The following FREM1 variants were observed in gnomAD, a reference collection of about 807,000 sequenced individuals.
FREM1 encodes the protein FRAS1 related extracellular matrix 1.
In FREM1, 220 loss-of-function variants were observed where a neutral mutation model predicts 210.1. The ratio of observed to expected loss-of-function variants is 1.05; its 90% CI spans 0.94 to 1.17. FREM1 has a LOEUF of 1.17. Among genes scored for constraint, FREM1 ranks in the 50% most tolerant of loss-of-function variants. The pLI is 0.00. For synonymous variants in FREM1, 1,189 were observed against 980.2 expected (o/e 1.21, Z -3.98); for missense variants, 3,454 against 2,675.5 (o/e 1.29, Z -6.42).
chr9:14,746,411 T>A lies in FREM1; in HGVS notation c.6196A>T (p.Ile2066Phe), dbSNP rs759576818. ...GWHQHSGYCH[I>F]LITEQKGTWN... ...GTGCCTTTCTGCTCTGTGATCAAGATGTGACAGTAGCCTGAGTGCTGGTGC... is the reference window on the plus strand; with the variant it reads ...GTGCCTTTCTGCTCTGTGATCAAGAAGTGACAGTAGCCTGAGTGCTGGTGC... Residue 2066 changes from isoleucine (I) to phenylalanine (F), a missense_variant, in exon 35 of 37, where the codon ATC becomes TTC. Ile to Phe is a conservative substitution (Grantham distance 21). Transcript: ENST00000380880. 6.2e-7 allele frequency: 1 copy of A among 1,613,920 alleles called. No homozygotes were observed. The highest frequency in any genetic ancestry group is 1.7e-5 in the Admixed American group (1 of 60,012).
intron 1 of FREM1, among the ~76,000 whole-genome samples, chr9:14,876,594 G>A (rs1259266147): frequency 6.6e-6 from 1 of 152,136 alleles, no homozygotes; most frequent in Non-Finnish European, 1.5e-5. Context: ...CCCTTTCTTT[G>A]ACTAGGAAAG....
intron 4 of FREM1, among the ~76,000 whole-genome samples, chr9:14,858,465 G>T (rs1829192317): frequency 6.7e-6 from 1 of 150,256 alleles, no homozygotes; most frequent in African/African-American, 2.4e-5. Flanking sequence ...CTCCCAAAGT[G>T]CTGGGATTAT....
intron 30 of FREM1, 55 bp from the exon 31 acceptor site, chr9:14,748,694 T>G (rs1842865963): frequency 8.9e-7 from 1 of 1,119,746 alleles, no homozygotes; most frequent in Non-Finnish European, 1.3e-6. Flanking sequence ...ACAGATAAGG[T>G]ATCACATTGA....
Position 14,737,607 on chromosome 9 carries a change from C to G in FREM1, c.6341-12G>C, listed in dbSNP as rs1336323228. On this transcript the variant is annotated splice_polypyrimidine_tract_variant and intron_variant, in intron 36 of 36. Transcript: ENST00000380880. ...TTGGTCGTTCAAACCTAATGTGAAC[C>G]AAAAGAATGTACCAATTACTTTTAT... 4 of 1,502,962 alleles carry G rather than the reference C, an allele frequency of 2.7e-6. No homozygotes were observed. Among genetic ancestry groups the G allele is most frequent in the Non-Finnish European group, 3.6e-6 (4 of 1,125,744 alleles). The allele number at this position is 1,502,962 out of a possible 1,614,324, so 93.1% of individuals were successfully genotyped here. A position where few individuals can be genotyped will look rare whatever the true frequency, so the allele number is the denominator to read the frequency against.
intron 1 of FREM1, among the ~76,000 whole-genome samples, chr9:14,894,711 G>C (rs542589411): frequency 8.2e-4 from 125 of 152,296 alleles, no homozygotes; most frequent in African/African-American, 2.8e-3. Flanking sequence ...ATTGAGTAAA[G>C]TATACTCCTA....
chr9:14,804,314 G>A lies in FREM1; in HGVS notation c.3471+642C>T, dbSNP rs189037588. ...AACCATGACAACTTTGGCTGGGTGC[G>A]GTGGCTCATGCCTGTAATCCCAGCA... On this transcript the variant is annotated intron_variant, in intron 19 of 36. Transcript: ENST00000380880. Among the ~76,000 whole-genome samples the A allele has an allele frequency of 1.9e-3, 284 of 152,286 alleles. 1 individual carries two copies. The highest frequency in any genetic ancestry group is 2.9e-4 in the Non-Finnish European group (20 of 68,016).
Position 14,797,611 on chromosome 9 carries a change from T to C in FREM1, c.3726A>G (p.Ser1242=), listed in dbSNP as rs914150202. Residue 1242 remains serine, a synonymous_variant, in exon 21 of 37, where the codon TCA becomes TCG. Coordinates refer to ENST00000380880, the MANE Select transcript of FREM1 (RefSeq NM_001379081.2). ...TTGTAAAATCATCAGCAAGGCTCTCTGAGTCATCATGCATGTACGTCAACC... is the reference window on the plus strand; with the variant it reads ...TTGTAAAATCATCAGCAAGGCTCTCCGAGTCATCATGCATGTACGTCAACC... ...GMRLTYMHDD[S]ESLADDFTIQ... The C allele has an allele frequency of 1.9e-6, 3 of 1,612,276 alleles. No individual in the cohort carries two copies. The highest frequency in any genetic ancestry group is 2.5e-6 in the Non-Finnish European group (3 of 1,178,894).
At chr9:14,847,851 G>A (rs377096651) in intron 7 of FREM1, among the ~76,000 whole-genome samples, 1 of 152,100 alleles carries the variant, frequency 6.6e-6, no homozygotes, top group Non-Finnish European at 1.5e-5. Flanking sequence ...TAAACTTTAG[G>A]TTACTGATTC....
chr9:14,782,375 T>C (rs1849772687), intron 24 of FREM1: 2 of 980,292 alleles, frequency 2.0e-6, no homozygotes, highest in Non-Finnish European at 2.4e-6. Context: ...TATCTAACCT[T>C]CATTTCTGAA....
At chr9:14,826,235 G>T (rs1426664553) in intron 10 of FREM1, among the ~76,000 whole-genome samples, 1 of 151,982 alleles carries the variant, frequency 6.6e-6, no homozygotes, top group Admixed American at 6.5e-5. Flanking sequence ...GGGGCTACGG[G>T]CTTCCACCAT....
intron 3 of FREM1, among the ~76,000 whole-genome samples, chr9:14,863,558 A>G (rs761706040): frequency 6.6e-6 from 1 of 152,144 alleles, no homozygotes; most frequent in African/African-American, 2.4e-5. Flanking sequence ...ATATAAGGAC[A>G]CTAGAGGGAA....
Position 14,861,006 on chromosome 9 carries a change from T to C in FREM1, c.330-1522A>G, listed in dbSNP as rs1324809566. Among the ~76,000 whole-genome samples the C allele has an allele frequency of 3.5e-5, 4 of 114,560 alleles. 1 individual carries two copies. Among genetic ancestry groups the C allele is most frequent in the African/African-American group, 1.7e-4 (4 of 23,700 alleles). 75.2% of individuals were successfully genotyped at this position (114,560 alleles called of 152,430 possible). A position where few individuals can be genotyped will look rare whatever the true frequency, so the allele number is the denominator to read the frequency against. On this transcript the variant is annotated intron_variant, in intron 3 of 36. Transcript: ENST00000380880. ...ACACATATATACATATATATACACA[T>C]ATATACATATATACACATATATACA...
At chr9:14,900,241 T>C (rs1838530501) in intron 1 of FREM1, among the ~76,000 whole-genome samples, 1 of 152,218 alleles carries the variant, frequency 6.6e-6, no homozygotes, top group African/African-American at 2.4e-5. Flanking sequence ...CCAGAGTTTC[T>C]GATTTAATTT....
rs1564222305 is a variant in FREM1 at position 14,910,138 on chromosome 9, A to T, written c.-492T>A. Reference sequence around the variant, plus strand: ...TTAACCCACCTCACAGAAAATACAGAATTGAAGTTCACATACACACTCCAC... The same window carrying T: ...TTAACCCACCTCACAGAAAATACAGTATTGAAGTTCACATACACACTCCAC... On this transcript the variant is annotated 5_prime_UTR_variant, in exon 1 of 37. Coordinates refer to ENST00000380880, the MANE Select transcript of FREM1 (RefSeq NM_001379081.2). 6.6e-6 allele frequency: 1 copy of T among 152,186 alleles called. No individual in the cohort carries two copies. 9.4% of individuals were successfully genotyped at this position (152,186 alleles called of 1,614,324 possible). A position where few individuals can be genotyped will look rare whatever the true frequency, so the allele number is the denominator to read the frequency against.
rs1830080643 is a variant in FREM1, at chr9:14,860,904, CATATACACATATACACAT to C, written c.330-1438_330-1421del. On this transcript the variant is annotated intron_variant, in intron 3 of 36. Coordinates refer to ENST00000380880, the MANE Select transcript of FREM1 (RefSeq NM_001379081.2). ...ATATACACATATATACATATATACACATATACACATATACACATATATACACATATACACACATATACA... is the reference window on the plus strand; with the variant it reads ...ATATACACATATATACATATATACACATATACACATATACACACATATACA... Among the ~76,000 whole-genome samples, 18 of 74,190 alleles carry C rather than the reference CATATACACATATACACAT, an allele frequency of 2.4e-4. 2 individuals are homozygous for C. The South Asian group carries it at 3.8e-3, about 16-fold the overall frequency. The allele number at this position is 74,190 out of a possible 152,430, so 48.7% of individuals were successfully genotyped here.
intron 10 of FREM1, among the ~76,000 whole-genome samples, chr9:14,826,896 C>A (rs115418644): frequency 7.9e-4 from 121 of 152,284 alleles, no homozygotes; most frequent in African/African-American, 2.9e-3. Context: ...AACATGCTGG[C>A]AACTTGGTCT....
chr9:14,826,098 C>CTCTT (rs34939930), intron 10 of FREM1, among the ~76,000 whole-genome samples: 3,755 of 135,514 alleles, frequency 0.028, 210 homozygotes, highest in African/African-American at 0.099. Context: ...CTTTCTCAAC[C>CTCTT]TTTTTTTTTT....
intron 3 of FREM1, 107 bp downstream of exon 3, chr9:14,863,702 G>A (rs1830990666): frequency 1.6e-6 from 1 of 644,800 alleles, no homozygotes; most frequent in South Asian, 2.1e-5. Flanking sequence ...TTCTTGTCTG[G>A]AATCTATTAA....
intron 2 of FREM1, among the ~76,000 whole-genome samples, chr9:14,864,478 C>CA (rs1292495679): frequency 5.9e-5 from 9 of 152,038 alleles, no homozygotes; most frequent in African/African-American, 2.2e-4. Flanking sequence ...TGCATACTTG[C>CA]AAAAAACTGC....
Sources: allele counts gnomAD v4.1 joint callset (sites outside exome capture counted in the v4.1 genomes callset), GRCh38; gene constraint gnomAD v4.1.1; transcripts MANE v1.5; gene names NCBI Gene and HGNC (gene_info 2026-07-23, HGNC 2026-07-21).